ARHGEF4: variants seen among roughly 807,000 people sequenced by gnomAD.
The protein encoded by ARHGEF4 is Rho guanine nucleotide exchange factor 4.
In ARHGEF4, 119 loss-of-function variants were observed where a neutral mutation model predicts 162.0. That is an observed-to-expected ratio of 0.73 (90% CI 0.63 to 0.86). The LOEUF (loss-of-function observed/expected upper bound fraction) is 0.86, where lower values mean the gene tolerates loss of function less well. Ranked by LOEUF, ARHGEF4 falls within the 40% of genes least tolerant of loss-of-function variation. The probability of loss-of-function intolerance (pLI) is 0.00; values close to 1 mark genes in which losing one functional copy is unlikely to be tolerated. For missense variants in ARHGEF4, 2,488 were observed against 2,456.0 expected, an observed-to-expected ratio of 1.01 and a Z score of -0.28; for synonymous variants, 1,014 against 979.9, an observed-to-expected ratio of 1.03 and a Z score of -0.65.
Position 131,044,419 on chromosome 2 carries a change from C to G in ARHGEF4, c.5278C>G (p.Arg1760Gly). ...CCATGTGAGCATCAAGAACGCCTTC[C>G]GGCTGCACCGTGGCGCCACAGGGGA... ...DLHVSIKNAF[R>G]LHRGATGDSH... The change falls in exon 12 of 14, where the codon CGG becomes GGG. Residue 1760 changes from arginine to glycine, a missense_variant. Around this residue, in one of 6 missense-constraint regions of ARHGEF4, gnomAD observed 415 missense variants for 512.4 expected, o/e 0.81. Transcript: ENST00000409359. The G allele has an allele frequency of 6.4e-7, 1 of 1,571,098 alleles. No homozygotes were observed. Among genetic ancestry groups the G allele is most frequent in the Non-Finnish European group, 8.6e-7 (1 of 1,158,096 alleles).
intron 1 of ARHGEF4, among the ~76,000 whole-genome samples, chr2:130,913,483 A>ATTTTTGTTGTTGCTGTACTTTTTGTGTT (rs1196823982): frequency 2.6e-5 from 4 of 152,028 alleles, no homozygotes; most frequent in Non-Finnish European, 4.4e-5. Context: ...GATCATTCTC[A>ATTTTTGTTGTTGCTGTACTTTTTGTGTT]TTTTTGTTGT....
At position 130,955,134 on chromosome 2, in the gene ARHGEF4, AG is replaced by A. The variant is rs372270978; in HGVS notation, c.3985+8500del. ...CAACTCCAGAATTTCCTTTTTTAAA[AG>A]ATTTGAATGCGTTCATTGATATTCT... On this transcript the variant is annotated intron_variant, in intron 4 of 13. Transcript: ENST00000409359. Among the ~76,000 whole-genome samples the A allele has an allele frequency of 3.8e-4, 58 of 152,224 alleles. No individual in the cohort carries two copies. The East Asian group carries it at 5.6e-3, about 15-fold the overall frequency.
chr2:130,975,968 G>A (rs1685672182), intron 4 of ARHGEF4, among the ~76,000 whole-genome samples: 1 of 152,124 alleles, frequency 6.6e-6, no homozygotes, highest in Non-Finnish European at 1.5e-5. Context: ...GAAAGATGGG[G>A]GCTCCCGGAG....
chr2:130,991,530 G>A (rs1047604731), intron 4 of ARHGEF4, among the ~76,000 whole-genome samples: 1 of 152,216 alleles, frequency 6.6e-6, no homozygotes, highest in Admixed American at 6.5e-5. Context: ...GGCGGGCCCG[G>A]CACTCGGAGC....
chr2:130,917,527 C>T, intron 2 of ARHGEF4, 29 bp downstream of exon 2: 2 of 1,527,672 alleles, frequency 1.3e-6, no homozygotes, highest in Non-Finnish European at 1.8e-6. Context: ...CCAAGCCTTT[C>T]CTGACCTCTG....
chr2:130,964,083 G>A (rs1207565581), intron 4 of ARHGEF4: 1 of 799,708 alleles, frequency 1.3e-6, no homozygotes, highest in African/African-American at 1.9e-5. Context: ...CAAGCGGGCA[G>A]ACGAGTGGCG....
At position 130,956,524 on chromosome 2, in the gene ARHGEF4, T is replaced by G. The variant is rs534231087; in HGVS notation, c.3985+9889T>G. On this transcript the variant is annotated intron_variant, in intron 4 of 13. Coordinates refer to ENST00000409359, the MANE Select transcript of ARHGEF4 (RefSeq NM_001367493.1). ...TGCTATAAAGACACATGCACACGTA[T>G]GTTTATTGCGGCACTATTCACAATA... 4.2e-3 allele frequency among the ~76,000 whole-genome samples: 635 copies of G among 150,722 alleles called. 6 individuals are homozygous for G. The highest frequency in any genetic ancestry group is 0.015 in the African/African-American group (617 of 41,082).
At chr2:131,009,755 C>T (rs547960486) in intron 4 of ARHGEF4, among the ~76,000 whole-genome samples, 3 of 152,172 alleles carry the variant, frequency 2.0e-5, no homozygotes, top group Admixed American at 2.0e-4. Context: ...GAAGTATGTG[C>T]TTCTGTATAT....
chr2:130,888,082 G>A (rs1322559014), intron 1 of ARHGEF4, among the ~76,000 whole-genome samples: 1 of 151,994 alleles, frequency 6.6e-6, no homozygotes, highest in Non-Finnish European at 1.5e-5. Context: ...GTTATATATT[G>A]AATTTCTTTT....
intron 5 of ARHGEF4, chr2:131,035,411 G>A: frequency 1.3e-6 from 1 of 754,526 alleles, no homozygotes; most frequent in Non-Finnish European, 1.7e-6. Flanking sequence ...GGGTGTCGCC[G>A]AGCGGGTGCC....
chr2:130,897,829 G>A (rs1680250426), intron 1 of ARHGEF4, among the ~76,000 whole-genome samples: 1 of 151,390 alleles, frequency 6.6e-6, no homozygotes, highest in African/African-American at 2.4e-5. Context: ...TGTTGCTACT[G>A]ATTCAGCACT....
In ARHGEF4 at chr2:130,999,378, G is replaced by A. The variant is rs369476877; in HGVS notation, c.3986-28567G>A. Among the ~76,000 whole-genome samples, 66 of 151,974 alleles carry A rather than the reference G, an allele frequency of 4.3e-4. No individual in the cohort carries two copies. The East Asian group carries it at 7.8e-3, about 18-fold the overall frequency. On this transcript the variant is annotated intron_variant, in intron 4 of 13. Coordinates refer to ENST00000409359, the MANE Select transcript of ARHGEF4 (RefSeq NM_001367493.1). ...TTACCATGTTAGCCAGGATGGTCTCGATCTCCTGACCTTGTGATCCGCCCG... is the reference window on the plus strand; with the variant it reads ...TTACCATGTTAGCCAGGATGGTCTCAATCTCCTGACCTTGTGATCCGCCCG...
At chr2:130,964,304 TC>T in intron 4 of ARHGEF4, 1 of 962,396 alleles carries the variant, frequency 1.0e-6, no homozygotes, top group Non-Finnish European at 1.2e-6. Flanking sequence ...GGGTCTGTGC[TC>T]TTGGGACCCC....
In ARHGEF4 at chr2:130,958,679, G is replaced by A. The variant is rs140256264; in HGVS notation, c.3985+12044G>A. ...CCCAACTCAGCCTCCCAAAGTGCTG[G>A]GATTACAGGCATGAGGCACCACTCC... is the stretch of plus-strand genomic sequence containing the variant. On this transcript the variant is annotated intron_variant, in intron 4 of 13. Coordinates refer to ENST00000409359, the MANE Select transcript of ARHGEF4 (RefSeq NM_001367493.1). Among the ~76,000 whole-genome samples the A allele has an allele frequency of 6.1e-3, 922 of 152,032 alleles. 8 individuals carry two copies. Among genetic ancestry groups the A allele is most frequent in the African/African-American group, 0.021 (890 of 41,480 alleles).
chr2:130,930,528 A>G (rs1305055761), intron 2 of ARHGEF4, among the ~76,000 whole-genome samples: 2 of 152,154 alleles, frequency 1.3e-5, no homozygotes, highest in Non-Finnish European at 2.9e-5. Context: ...TGAGCATCAG[A>G]GTCAAGCTAG....
intron 4 of ARHGEF4, among the ~76,000 whole-genome samples, chr2:130,982,362 A>T (rs1666015001): frequency 6.6e-6 from 1 of 152,202 alleles, no homozygotes; most frequent in South Asian, 2.1e-4. Context: ...TTAATTAGCC[A>T]AATTTCTCCA....
intron 4 of ARHGEF4, among the ~76,000 whole-genome samples, chr2:130,968,924 T>A (rs1483143629): frequency 6.6e-6 from 1 of 152,006 alleles, no homozygotes; most frequent in African/African-American, 2.4e-5. Context: ...TCTCAAAAAA[T>A]AAAATTAAAT....
chr2:130,844,422 C>T (rs1020602559), intron 1 of ARHGEF4, among the ~76,000 whole-genome samples: 6 of 152,182 alleles, frequency 3.9e-5, no homozygotes, highest in African/African-American at 1.2e-4. Context: ...ATGCAAACCC[C>T]GGCAGTAAAC....
At chr2:130,937,515 T>A (rs866016135) in intron 3 of ARHGEF4, among the ~76,000 whole-genome samples, 1 of 152,184 alleles carries the variant, frequency 6.6e-6, no homozygotes, top group Admixed American at 6.6e-5. Context: ...GTTCCTTTAG[T>A]GGTTTTTGTT....
Sources: gnomAD v4.1 joint callset for allele counts (sites outside exome capture counted in the v4.1 genomes callset) on GRCh38, gnomAD v4.1.1 for gene constraint, gnomAD v4.1.1 regional missense constraint, MANE v1.5 for transcripts, NCBI Gene and HGNC (gene_info 2026-07-23, HGNC 2026-07-21) for gene names.